PALMD: variants seen among roughly 807,000 people sequenced by gnomAD.
PALMD encodes the protein paralemmin-like protein.
A neutral mutation model predicts 56.2 loss-of-function variants in PALMD; 42 were observed. That is an observed-to-expected ratio of 0.75 (90% CI 0.58 to 0.97). PALMD has a LOEUF of 0.97. Ranked by LOEUF, PALMD falls within the 50% of genes least tolerant of loss-of-function variation. The pLI is 0.00. For missense variants in PALMD, 660 were observed against 643.8 expected (o/e 1.03, Z -0.27); for synonymous variants, 242 against 222.9 (o/e 1.09, Z -0.76).
intron 3 of PALMD, among the ~76,000 whole-genome samples, chr1:99,670,842 T>C (rs1571067194): frequency 1.3e-5 from 2 of 152,200 alleles, no homozygotes; most frequent in East Asian, 3.8e-4. Flanking sequence ...AAAGCAGCTT[T>C]ACCTGATAAT....
chr1:99,670,896 CAAAAACAAAAAAACAA>C (rs528895559), intron 3 of PALMD, among the ~76,000 whole-genome samples: 1 of 151,796 alleles, frequency 6.6e-6, no homozygotes, highest in African/African-American at 2.4e-5. Context: ...CTAAAAAAAA[CAAAAACAAAAAAACAA>C]AAAAACAAAT....
chr1:99,649,029 G>A (rs1652508746), intron 1 of PALMD, among the ~76,000 whole-genome samples: 1 of 152,066 alleles, frequency 6.6e-6, no homozygotes. Context: ...TTAGTCAGAT[G>A]TCTTCTCAAA....
chr1:99,649,453 A>T (rs1387573640), intron 1 of PALMD, among the ~76,000 whole-genome samples: 1 of 152,212 alleles, frequency 6.6e-6, no homozygotes, highest in Non-Finnish European at 1.5e-5. Context: ...GAGGATACCA[A>T]TGACTCCAGC....
At chr1:99,660,808 C>T (rs1337328396) in intron 1 of PALMD, among the ~76,000 whole-genome samples, 1 of 152,146 alleles carries the variant, frequency 6.6e-6, no homozygotes, top group African/African-American at 2.4e-5. Context: ...ATTGTTTGAG[C>T]CCAGGATGTC....
At chr1:99,652,092 A>T (rs1652600134) in intron 1 of PALMD, among the ~76,000 whole-genome samples, 1 of 152,194 alleles carries the variant, frequency 6.6e-6, no homozygotes, top group Admixed American at 6.5e-5. Context: ...TTTCACATCC[A>T]TTTTATCTCA....
intron 3 of PALMD, among the ~76,000 whole-genome samples, chr1:99,681,105 ATG>A (rs56957907): frequency 0.64 from 94,880 of 148,698 alleles, 30,369 homozygotes; most frequent in East Asian, 0.82. Context: ...GTGTGTATAT[ATG>A]TGTGTGTGTG....
intron 1 of PALMD, among the ~76,000 whole-genome samples, chr1:99,650,123 G>A (rs1270922530): frequency 2.0e-5 from 3 of 151,938 alleles, no homozygotes; most frequent in Non-Finnish European, 4.4e-5. Context: ...TTTGAGCCTA[G>A]ATGTGAAGGA....
Position 99,683,090 on chromosome 1 carries a change from GAAAGAAAGAA to G in PALMD, c.252-3584_252-3575del, listed in dbSNP as rs1174593951. Among the ~76,000 whole-genome samples, 164 of 32,348 alleles carry G rather than the reference GAAAGAAAGAA, an allele frequency of 5.1e-3. 1 individual carries two copies. The highest frequency in any genetic ancestry group is 0.037 in the Middle Eastern group (2 of 54). 21.2% of individuals were successfully genotyped at this position (32,348 alleles called of 152,430 possible). ...AGAGAGAGAGAGAGAGAGAGAGAGA[GAAAGAAAGAA>G]AGAAAGAAAGAAAGAAAGAAAGAAA... On this transcript the variant is annotated intron_variant, in intron 3 of 7. Coordinates refer to ENST00000263174, the MANE Select transcript of PALMD (RefSeq NM_017734.5).
intron 2 of PALMD, among the ~76,000 whole-genome samples, chr1:99,663,282 T>C (rs1046056791): frequency 6.6e-6 from 1 of 152,208 alleles, no homozygotes; most frequent in African/African-American, 2.4e-5. Flanking sequence ...TTTGCTTCTT[T>C]GCTTCTAAAC....
intron 3 of PALMD, among the ~76,000 whole-genome samples, chr1:99,676,676 A>G (rs1653220964): frequency 6.6e-6 from 1 of 152,146 alleles, no homozygotes; most frequent in Non-Finnish European, 1.5e-5. Flanking sequence ...ACTTAAGATA[A>G]TGATTTTATT....
intron 3 of PALMD, among the ~76,000 whole-genome samples, chr1:99,670,498 A>G (rs1653060001): frequency 6.6e-6 from 1 of 152,174 alleles, no homozygotes; most frequent in South Asian, 2.1e-4. Flanking sequence ...GGGTAGACTT[A>G]GATCTCAAAG....
rs565188556 is a variant in PALMD, at chr1:99,689,213, A to G, written c.953A>G (p.Asn318Ser). The G allele has an allele frequency of 4.3e-6, 7 of 1,613,664 alleles. No homozygotes were observed. The African/African-American group carries it at 5.3e-5, about 12-fold the overall frequency. Residue 318 changes from asparagine to serine, a missense_variant, in exon 7 of 8, where the codon AAT (asparagine) becomes AGT (serine). By Grantham distance (46) the Asn-to-Ser change is conservative (BLOSUM62 1). Transcript: ENST00000263174. ...GLSEERGNNF[N>S]HISPIPPVPH... is the part of the protein sequence containing the mutation. ...TCAGAGGAAAGGGGAAACAACTTCA[A>G]TCACATCAGTCCCATTCCGCCAGTG...
chr1:99,683,026 A>C (rs1653384959), intron 3 of PALMD, among the ~76,000 whole-genome samples: 1 of 22,500 alleles, frequency 4.4e-5, no homozygotes, highest in Admixed American at 5.9e-4. Flanking sequence ...GAAGGAAAGA[A>C]AGAAAGAAAG....
intron 2 of PALMD, among the ~76,000 whole-genome samples, chr1:99,665,393 T>C (rs984506073): frequency 6.6e-6 from 1 of 152,168 alleles, no homozygotes; most frequent in Non-Finnish European, 1.5e-5. Flanking sequence ...ACTCTTTTGA[T>C]TACTACAGTA....
At chr1:99,683,078 GAGAGAGAGAGAGAAAGAAAGAA>G (rs1557673842) in intron 3 of PALMD, among the ~76,000 whole-genome samples, 26 of 19,592 alleles carry the variant, frequency 1.3e-3, no homozygotes, top group Middle Eastern at 0.021. Context: ...GAGAGAGAGA[GAGAGAGAGAGAGAAAGAAAGAA>G]AGAAAGAAAG....
chr1:99,669,982 T>C (rs1653048783), intron 3 of PALMD, among the ~76,000 whole-genome samples: 1 of 152,220 alleles, frequency 6.6e-6, no homozygotes, highest in African/African-American at 2.4e-5. Flanking sequence ...AACTAGGAAG[T>C]GGGAGGTCAG....
chr1:99,668,418 A>G (rs1959476), intron 3 of PALMD: 125,508 of 152,126 alleles, frequency 0.83, 52,147 homozygotes, highest in East Asian at 0.99. Context: ...AAATACATGC[A>G]CTAAACTACC....
intron 1 of PALMD, among the ~76,000 whole-genome samples, chr1:99,651,625 T>C (rs562824225): frequency 4.6e-5 from 7 of 152,358 alleles, no homozygotes; most frequent in African/African-American, 1.4e-4. Flanking sequence ...TTAATTTATT[T>C]AAATGATAGT....
At chr1:99,646,528 T>C (rs192714875) in intron 1 of PALMD, among the ~76,000 whole-genome samples, 166 bp downstream of exon 1, 113 of 152,370 alleles carry the variant, frequency 7.4e-4, no homozygotes, top group African/African-American at 2.6e-3. Flanking sequence ...TCTGTAACTC[T>C]GGGGCTTCAG....
Sources: allele counts gnomAD v4.1 joint callset (sites outside exome capture counted in the v4.1 genomes callset), GRCh38; gene constraint gnomAD v4.1.1; transcripts MANE v1.5; gene names NCBI Gene and HGNC (gene_info 2026-07-23, HGNC 2026-07-21).